The following ULK4 variants were observed in gnomAD, a reference collection of about 807,000 sequenced individuals.
ULK4 encodes inactive serine/threonine-protein kinase ULK4.
In ULK4, 133 loss-of-function variants were observed where a neutral mutation model predicts 160.6. The observed-to-expected ratio is 0.83, with a 90% CI of 0.72 to 0.96. The LOEUF is 0.96. Ranked by LOEUF, ULK4 falls within the 40% of genes least tolerant of loss-of-function variation. The probability of loss-of-function intolerance (pLI) is 0.00; values close to 1 mark genes in which losing one functional copy is unlikely to be tolerated. For synonymous variants in ULK4, 534 were observed against 539.8 expected, an observed-to-expected ratio of 0.99 and a Z score of 0.15; for missense variants, 1,580 against 1,499.5, an observed-to-expected ratio of 1.05 and a Z score of -0.89.
intron 35 of ULK4, among the ~76,000 whole-genome samples, chr3:41,338,377 C>T (rs182256825): frequency 7.5e-4 from 114 of 152,328 alleles, no homozygotes; most frequent in Middle Eastern, 6.8e-3. Context: ...AGGCTTTATA[C>T]AGGAATTCTC....
chr3:41,652,814 A>C (rs2034794536), intron 30 of ULK4, among the ~76,000 whole-genome samples: 1 of 152,162 alleles, frequency 6.6e-6, no homozygotes, highest in Non-Finnish European at 1.5e-5. Flanking sequence ...TGTGATATTC[A>C]TTTGGATTTT....
chr3:41,317,299 T>C (rs1453803198), intron 35 of ULK4, among the ~76,000 whole-genome samples: 1 of 152,094 alleles, frequency 6.6e-6, no homozygotes, highest in Non-Finnish European at 1.5e-5. Flanking sequence ...ATCGTCTCGA[T>C]CTCCTGACCT....
intron 34 of ULK4, among the ~76,000 whole-genome samples, chr3:41,446,408 C>T (rs1201552625): frequency 6.6e-6 from 1 of 151,986 alleles, no homozygotes; most frequent in African/African-American, 2.4e-5. Flanking sequence ...ATCATGCTGC[C>T]ATAAAGACAC....
At chr3:41,833,274 G>GTT (rs544697085) in intron 18 of ULK4, among the ~76,000 whole-genome samples, 3 of 135,104 alleles carry the variant, frequency 2.2e-5, no homozygotes, top group Non-Finnish European at 3.3e-5. Flanking sequence ...TTCTTAAGTT[G>GTT]TTTTTTTTTT....
At chr3:41,441,239 T>C (rs1173834764) in intron 34 of ULK4, among the ~76,000 whole-genome samples, 4 of 152,106 alleles carry the variant, frequency 2.6e-5, no homozygotes, top group African/African-American at 7.2e-5. Flanking sequence ...ACTAAGGTAA[T>C]TGATTTGAGA....
At chr3:41,798,715 A>C (rs547145118) in intron 20 of ULK4, among the ~76,000 whole-genome samples, 12 of 152,006 alleles carry the variant, frequency 7.9e-5, no homozygotes, top group African/African-American at 2.7e-4. Context: ...ATGGCTAGGA[A>C]TGGGGGGATA....
At chr3:41,523,041 T>C (rs1233802983) in intron 32 of ULK4, among the ~76,000 whole-genome samples, 1 of 152,258 alleles carries the variant, frequency 6.6e-6, no homozygotes, top group East Asian at 1.9e-4. Context: ...CTTGAGTAGC[T>C]GAGACTACAG....
intron 20 of ULK4, among the ~76,000 whole-genome samples, chr3:41,794,206 A>G (rs1575719691): frequency 1.3e-5 from 2 of 152,238 alleles, no homozygotes; most frequent in Admixed American, 1.3e-4. Context: ...ACAGACAGTT[A>G]CAAGTGGAAC....
At chr3:41,326,228 T>C (rs1164919567) in intron 35 of ULK4, among the ~76,000 whole-genome samples, 3 of 152,076 alleles carry the variant, frequency 2.0e-5, no homozygotes, top group Non-Finnish European at 4.4e-5. Flanking sequence ...AGTAGTACCA[T>C]TATACCTCAT....
Position 41,938,211 on chromosome 3 carries a change from G to T in ULK4, c.139-14C>A. Reference sequence around the variant, plus strand: ...GGTGAGACGGACCTATAAAAACACAGAGCAATCACTCTAAAAAGAAATTCC... The same window carrying T: ...GGTGAGACGGACCTATAAAAACACATAGCAATCACTCTAAAAAGAAATTCC... On this transcript the variant is annotated splice_polypyrimidine_tract_variant and intron_variant, in intron 2 of 36. Transcript: ENST00000301831. The T allele has an allele frequency of 6.3e-7, 1 of 1,597,222 alleles. No individual in the cohort carries two copies.
chr3:41,370,173 T>G (rs1226792998), intron 35 of ULK4, among the ~76,000 whole-genome samples: 1 of 152,136 alleles, frequency 6.6e-6, no homozygotes, highest in Non-Finnish European at 1.5e-5. Context: ...ACAGGCTTAG[T>G]TTCTTGACAT....
intron 30 of ULK4, among the ~76,000 whole-genome samples, chr3:41,619,069 A>C (rs1234199511): frequency 6.6e-6 from 1 of 152,202 alleles, no homozygotes; most frequent in Non-Finnish European, 1.5e-5. Context: ...CAATGCAACA[A>C]GAAGAGCTAC....
chr3:41,859,420 T>G (rs1289056404), intron 17 of ULK4: 3 of 560,978 alleles, frequency 5.3e-6, no homozygotes, highest in Non-Finnish European at 1.1e-5. Flanking sequence ...AGGGTTGAGT[T>G]GGGCCAGAAT....
chr3:41,497,944 C>A (rs1575313759), intron 32 of ULK4, among the ~76,000 whole-genome samples: 1 of 151,960 alleles, frequency 6.6e-6, no homozygotes, highest in African/African-American at 2.4e-5. Flanking sequence ...GATAGAAAAA[C>A]CCATCATAAC....
rs543634905 is a variant in ULK4, at chr3:41,488,468, G to C, written c.3227-25215C>G. On this transcript the variant is annotated intron_variant, in intron 32 of 36. Transcript: ENST00000301831. ...TAACCCAGATCATCTCTGGGAATCA[G>C]TTTACTTTTAACTTCATACGCTTCT... Among the ~76,000 whole-genome samples the C allele has an allele frequency of 1.6e-4, 24 of 152,306 alleles. No individual in the cohort carries two copies. In the South Asian group the frequency reaches 3.3e-3, roughly 21 times the overall value.
chr3:41,754,900 T>C (rs983752170), intron 21 of ULK4, among the ~76,000 whole-genome samples: 3 of 152,142 alleles, frequency 2.0e-5, no homozygotes, highest in African/African-American at 7.2e-5. Flanking sequence ...AAGAGCTGCA[T>C]ATAGAGAGAT....
chr3:41,350,699 T>A (rs1318813995), intron 35 of ULK4, among the ~76,000 whole-genome samples: 1 of 151,152 alleles, frequency 6.6e-6, no homozygotes, highest in Non-Finnish European at 1.5e-5. Flanking sequence ...TGGGGTAGCC[T>A]CTGCCATCAG....
At chr3:41,681,854 A>G (rs1270787096) in intron 27 of ULK4, 50 bp from the exon 28 acceptor site, 5 of 1,592,500 alleles carry the variant, frequency 3.1e-6, no homozygotes, top group African/African-American at 2.7e-5. Context: ...CACAAAACTG[A>G]TATCAACCAC....
intron 32 of ULK4, among the ~76,000 whole-genome samples, chr3:41,465,802 T>G (rs1366218875): frequency 6.6e-6 from 1 of 152,168 alleles, no homozygotes; most frequent in Non-Finnish European, 1.5e-5. Flanking sequence ...TTTGTCTTAG[T>G]TATGTTAAAA....
Sources: gnomAD v4.1 joint callset for allele counts (sites outside exome capture counted in the v4.1 genomes callset) on GRCh38, gnomAD v4.1.1 for gene constraint, MANE v1.5 for transcripts, NCBI Gene and HGNC (gene_info 2026-07-23, HGNC 2026-07-21) for gene names.